The following CAMK2D variants were observed in gnomAD, a reference collection of about 807,000 sequenced individuals.
The protein encoded by CAMK2D is calcium/calmodulin-dependent protein kinase type II subunit delta.
Under a neutral mutation model 84.0 loss-of-function variants are expected in CAMK2D, and 37 were observed. That is an observed-to-expected ratio of 0.44 (90% CI 0.34 to 0.58). The LOEUF (loss-of-function observed/expected upper bound fraction) is 0.58, where lower values mean the gene tolerates loss of function less well. Among genes scored for constraint, CAMK2D ranks in the 20% least tolerant of loss-of-function variants. CAMK2D has a pLI of 0.02. For missense variants in CAMK2D, 448 were observed against 652.5 expected (o/e 0.69, Z 3.41); for synonymous variants, 202 against 212.5 (o/e 0.95, Z 0.43).
intron 2 of CAMK2D, among the ~76,000 whole-genome samples, chr4:113,733,147 A>T (rs1562113125): frequency 6.6e-6 from 1 of 152,194 alleles, no homozygotes; most frequent in African/African-American, 2.4e-5. Context: ...GAAATGATAA[A>T]GCAATGTGCT....
chr4:113,607,147 A>T (rs2098981169), intron 4 of CAMK2D, among the ~76,000 whole-genome samples: 1 of 152,190 alleles, frequency 6.6e-6, no homozygotes, highest in South Asian at 2.1e-4. Flanking sequence ...TCAAGAAAAA[A>T]AAATCATAAA....
chr4:113,491,166 C>A (rs1182473457), intron 16 of CAMK2D, among the ~76,000 whole-genome samples: 1 of 113,940 alleles, frequency 8.8e-6, no homozygotes, highest in Admixed American at 1.1e-4. Context: ...CTGGCCAGAA[C>A]TTCCAACACT....
chr4:113,599,880 G>A (rs1389135917), intron 4 of CAMK2D, among the ~76,000 whole-genome samples: 1 of 137,028 alleles, frequency 7.3e-6, no homozygotes, highest in African/African-American at 2.7e-5. Context: ...GACTGAAGAG[G>A]AGGAGGAGGA....
intron 4 of CAMK2D, among the ~76,000 whole-genome samples, chr4:113,563,562 G>C (rs1487654271): frequency 6.6e-6 from 1 of 152,214 alleles, no homozygotes; most frequent in Non-Finnish European, 1.5e-5. Context: ...AGGAAATGAG[G>C]ATGTTTCAGT....
chr4:113,530,622 T>C (rs2098451703), intron 8 of CAMK2D, among the ~76,000 whole-genome samples: 1 of 152,180 alleles, frequency 6.6e-6, no homozygotes, highest in African/African-American at 2.4e-5. Context: ...GCCTCATGAA[T>C]GGGATTAATG....
At chr4:113,474,179 T>C (rs148898057) in intron 16 of CAMK2D, among the ~76,000 whole-genome samples, 3 of 152,324 alleles carry the variant, frequency 2.0e-5, no homozygotes, top group Non-Finnish European at 4.4e-5. Flanking sequence ...AGTATTAAGA[T>C]GTTCCATGAA....
In CAMK2D at chr4:113,495,130, C is replaced by G. The variant is rs180937146; in HGVS notation, c.1135+5333G>C. ...GTCGCTCAAGCTGGGAGCTGTAGAC[C>G]AGAGTTGTTCCTATTTGGCCATCTT... is the stretch of plus-strand genomic sequence containing the variant. On this transcript the variant is annotated intron_variant, in intron 16 of 20. Coordinates refer to ENST00000511664, the MANE Select transcript of CAMK2D (RefSeq NM_001321571.2). 1.9e-3 allele frequency among the ~76,000 whole-genome samples: 288 copies of G among 152,270 alleles called. 1 individual carries two copies. Among genetic ancestry groups the G allele is most frequent in the African/African-American group, 6.7e-3 (279 of 41,544 alleles).
intron 2 of CAMK2D, among the ~76,000 whole-genome samples, chr4:113,702,899 TAA>T (rs202127595): frequency 6.6e-6 from 1 of 151,198 alleles, no homozygotes; most frequent in African/African-American, 2.5e-5. Flanking sequence ...ACTCTTATCT[TAA>T]AATATATATA....
chr4:113,545,434 A>G lies in CAMK2D; in HGVS notation c.414+2210T>C, dbSNP rs1279056960. On this transcript the variant is annotated intron_variant, in intron 6 of 20. Transcript: ENST00000511664. The stretch of plus-strand genomic sequence containing the variant: ...GTATATGGACACAAAAATAAATAGC[A>G]TAGGAATAGTAAAGGCAAGTTTTTG... Among the ~76,000 whole-genome samples, 4 of 152,222 alleles carry G rather than the reference A, an allele frequency of 2.6e-5. No individual in the cohort carries two copies. The East Asian group carries it at 7.7e-4, about 29-fold the overall frequency.
At chr4:113,726,477 G>T (rs2099546548) in intron 2 of CAMK2D, among the ~76,000 whole-genome samples, 1 of 149,748 alleles carries the variant, frequency 6.7e-6, no homozygotes. Flanking sequence ...AAACTCCTGG[G>T]CTCAAGTGAT....
At chr4:113,701,073 T>C (rs902449375) in intron 2 of CAMK2D, among the ~76,000 whole-genome samples, 1 of 152,242 alleles carries the variant, frequency 6.6e-6, no homozygotes, top group Non-Finnish European at 1.5e-5. Flanking sequence ...TATTTTTCTT[T>C]AACAGTTTCT....
At chr4:113,470,993 A>C (rs570837738) in intron 16 of CAMK2D, among the ~76,000 whole-genome samples, 133 of 152,368 alleles carry the variant, frequency 8.7e-4, no homozygotes, top group Non-Finnish European at 1.4e-3. Flanking sequence ...ACAGCCTTTA[A>C]GAAATATAAA....
intron 2 of CAMK2D, among the ~76,000 whole-genome samples, chr4:113,749,495 G>A (rs925445001): frequency 9.2e-5 from 14 of 152,094 alleles, no homozygotes; most frequent in African/African-American, 4.8e-5. Context: ...TCCATGATAT[G>A]TATATCTAAA....
intron 3 of CAMK2D, among the ~76,000 whole-genome samples, chr4:113,618,986 G>A (rs2099033462): frequency 6.6e-6 from 1 of 152,098 alleles, no homozygotes; most frequent in South Asian, 2.1e-4. Flanking sequence ...AAGTTATAAT[G>A]AATGTCAGAC....
intron 4 of CAMK2D, among the ~76,000 whole-genome samples, chr4:113,592,260 T>C (rs986765741): frequency 1.3e-5 from 2 of 151,998 alleles, no homozygotes; most frequent in African/African-American, 2.4e-5. Flanking sequence ...AATGGATGAG[T>C]GCATGGCAGA....
intron 17 of CAMK2D, among the ~76,000 whole-genome samples, chr4:113,462,946 C>T (rs954613679): frequency 1.3e-5 from 2 of 152,168 alleles, no homozygotes; most frequent in African/African-American, 2.4e-5. Flanking sequence ...TTTTAAAAAG[C>T]AGGTTCTATG....
intron 2 of CAMK2D, among the ~76,000 whole-genome samples, chr4:113,672,091 CAA>C (rs35318616): frequency 0.02 from 3,061 of 152,040 alleles, 84 homozygotes; most frequent in African/African-American, 0.069. Flanking sequence ...ATTCTAAACA[CAA>C]AAAAGACTTG....
intron 11 of CAMK2D, 99 bp downstream of exon 11, chr4:113,513,731 C>T: frequency 9.3e-6 from 6 of 646,886 alleles, no homozygotes; most frequent in Non-Finnish European, 1.7e-5. Flanking sequence ...TTGAGGTCTA[C>T]ATAATTGAAA....
chr4:113,503,445 C>G (rs769524982), intron 14 of CAMK2D: 1 of 329,872 alleles, frequency 3.0e-6, no homozygotes. Context: ...TTAATTAATA[C>G]GTAACTGAAT....
Sources: gnomAD v4.1 joint callset for allele counts (sites outside exome capture counted in the v4.1 genomes callset) on GRCh38, gnomAD v4.1.1 for gene constraint, MANE v1.5 for transcripts, NCBI Gene and HGNC (gene_info 2026-07-23, HGNC 2026-07-21) for gene names.